Variants in SGSH observed in about 807,000 individuals in gnomAD.
SGSH encodes the protein heparan sulfate sulfatase.
A neutral mutation model predicts 51.0 loss-of-function variants in SGSH; 48 were observed. The ratio of observed to expected loss-of-function variants is 0.94; its 90% CI spans 0.75 to 1.20. The LOEUF is 1.20. Among genes scored for constraint, SGSH ranks in the 50% most tolerant of loss-of-function variants. SGSH has a pLI of 0.00. For synonymous variants in SGSH, 321 were observed against 313.4 expected (o/e 1.02, Z -0.26); for missense variants, 662 against 717.8 (o/e 0.92, Z 0.89).
chr17:80,201,898 C>G (rs753524546), downstream of SGSH: 21 of 1,588,080 alleles, frequency 1.3e-5, no homozygotes, highest in Non-Finnish European at 1.7e-5. The surrounding 1 kb of genome is among the most constrained non-coding windows in gnomAD (Gnocchi z 5.0). Flanking sequence ...CTCGTGTGCA[C>G]AGCTGCCTGG....
rs1394113027 is a variant in SGSH at position 80,210,400 on chromosome 17, T to A, written c.*52A>T. The A allele has an allele frequency of 6.5e-7, 1 of 1,529,054 alleles. No individual in the cohort carries two copies. Among genetic ancestry groups the A allele is most frequent in the Non-Finnish European group, 8.8e-7 (1 of 1,140,920 alleles). 94.7% of individuals were successfully genotyped at this position (1,529,054 alleles called of 1,614,324 possible). ...GGCTGGCCGGCCACACGGACACGTG[T>A]GGGATGTGTCTGGGACATGCCTGGG... On this transcript the variant is annotated 3_prime_UTR_variant, in exon 8 of 8. Coordinates refer to ENST00000326317, the MANE Select transcript of SGSH (RefSeq NM_000199.5).
Position 80,210,157 on chromosome 17 carries a change from C to T in SGSH, c.*295G>A, listed in dbSNP as rs1026535318. On this transcript the variant is annotated 3_prime_UTR_variant, in exon 8 of 8. Coordinates refer to ENST00000326317, the MANE Select transcript of SGSH (RefSeq NM_000199.5). The stretch of plus-strand genomic sequence containing the variant: ...GGGGCGCTGCCCTGTCCGCAGACCA[C>T]GTATGTCTAGAATTCCCGTGCTGGG... 2.2e-6 allele frequency: 3 copies of T among 1,335,926 alleles called. No individual in the cohort carries two copies. The highest frequency in any genetic ancestry group is 1.5e-5 in the African/African-American group (1 of 67,848). The allele number at this position is 1,335,926 out of a possible 1,614,324, so 82.8% of individuals were successfully genotyped here. A position where few individuals can be genotyped will look rare whatever the true frequency, so the allele number is the denominator to read the frequency against.
chr17:80,211,778 G>A, intron 7 of SGSH: 1 of 490,584 alleles, frequency 2.0e-6, no homozygotes, highest in Non-Finnish European at 3.8e-6. Context: ...AGCATCCCAG[G>A]TGATTCTGAA....
At chr17:80,219,479 A>G (rs2042045585) in intron 1 of SGSH, among the ~76,000 whole-genome samples, 1 of 152,246 alleles carries the variant, frequency 6.6e-6, no homozygotes, top group African/African-American at 2.4e-5. Flanking sequence ...GGGTCCATGC[A>G]GATTCTCTGC....
At chr17:80,206,971 A>G, downstream of SGSH, 1 of 1,607,044 alleles carries the variant, frequency 6.2e-7, no homozygotes, top group Non-Finnish European at 8.5e-7. Context: ...CCCACAAAGA[A>G]CACCCATGCC....
chr17:80,201,519 T>A, the SGSH span: 1 of 554,438 alleles, frequency 1.8e-6, no homozygotes, highest in South Asian at 2.1e-5. This position sits in a 1 kb window ranked among gnomAD's most constrained non-coding sequence, Gnocchi z 5.0. Flanking sequence ...GGGGAAGGGT[T>A]GGCAGTTGAC....
downstream of SGSH, chr17:80,205,739 G>A: frequency 7.3e-7 from 1 of 1,370,696 alleles, no homozygotes; most frequent in Non-Finnish European, 9.7e-7. Flanking sequence ...AAGGTACAGG[G>A]ACCGACCTGA....
At chr17:80,217,471 C>G (rs2144786522) in intron 1 of SGSH, among the ~76,000 whole-genome samples, 1 of 150,290 alleles carries the variant, frequency 6.7e-6, no homozygotes, top group East Asian at 2.0e-4. Context: ...AGGCATGTAT[C>G]CAGAAGACCC....
At position 80,212,346 on chromosome 17, in the gene SGSH, C is replaced by T; in HGVS notation, c.746-72G>A. 6 of 1,316,586 alleles carry T rather than the reference C, an allele frequency of 4.6e-6. No homozygotes were observed. The allele number at this position is 1,316,586 out of a possible 1,614,324, so 81.6% of individuals were successfully genotyped here. A position where few individuals can be genotyped will look rare whatever the true frequency, so the allele number is the denominator to read the frequency against. On this transcript the variant is annotated intron_variant, in intron 6 of 7. Transcript: ENST00000326317. This position sits in a 1 kb window ranked among gnomAD's most constrained non-coding sequence, Gnocchi z 5.9. ...GAGGCAGCGGGTGGTGTGTGTAGAC[C>T]CACCTGCTGCTGCATCCGGCCGCTG...
downstream of SGSH, chr17:80,204,958 C>T: frequency 7.7e-7 from 1 of 1,301,684 alleles, no homozygotes; most frequent in Non-Finnish European, 1.0e-6. Context: ...AAAGCAGACC[C>T]AGTCCCTCCC....
downstream of SGSH, chr17:80,203,934 G>A (rs2041130045): frequency 1.4e-6 from 2 of 1,461,756 alleles, no homozygotes; most frequent in Non-Finnish European, 1.9e-6. The surrounding 1 kb of genome is among the most constrained non-coding windows in gnomAD (Gnocchi z 4.6). Flanking sequence ...GGCTGGAAGA[G>A]GGGCTCGGTG....
chr17:80,202,283 G>C, downstream of SGSH: 1 of 1,613,894 alleles, frequency 6.2e-7, no homozygotes, highest in Non-Finnish European at 8.5e-7. Flanking sequence ...CCAAAGGGGA[G>C]CTGCAGGTGC....
rs556030257 is a variant in SGSH at position 80,216,783 on chromosome 17, G to T, written c.249+249C>A. ...TTACACCCACCATCTTACAGATGAG[G>T]AAACTGAGGCACAAGGAGGTAGGTG... On this transcript the variant is annotated intron_variant, in intron 2 of 7. Transcript: ENST00000326317. 7 of 556,974 alleles carry T rather than the reference G, an allele frequency of 1.3e-5. No individual in the cohort carries two copies. The Admixed American group carries it at 1.8e-4, about 15-fold the overall frequency. The allele number at this position is 556,974 out of a possible 1,614,324, so 34.5% of individuals were successfully genotyped here.
chr17:80,206,012 G>A (rs1009088809), downstream of SGSH: 30 of 185,414 alleles, frequency 1.6e-4, no homozygotes, highest in African/African-American at 4.2e-4. Context: ...GCACAGGCAC[G>A]GGAAGCCGAG....
chr17:80,211,086 C>A, intron 7 of SGSH, 75 bp from the exon 8 acceptor site: 2 of 1,575,934 alleles, frequency 1.3e-6, no homozygotes, highest in South Asian at 2.3e-5. Flanking sequence ...GCCGAACCTA[C>A]GCCACTCTGG....
chr17:80,220,136 G>A, intron 1 of SGSH, 90 bp downstream of exon 1: 3 of 914,734 alleles, frequency 3.3e-6, no homozygotes, highest in Non-Finnish European at 4.9e-6. Flanking sequence ...GGCACACTAG[G>A]GTCAGCATTG....
In SGSH at chr17:80,210,307, C is replaced by T. The variant is rs1400131113; in HGVS notation, c.*145G>A. On this transcript the variant is annotated 3_prime_UTR_variant, in exon 8 of 8. Coordinates refer to ENST00000326317, the MANE Select transcript of SGSH (RefSeq NM_000199.5). ...CCCCTCCAGGCAATGGCAAGAGTGA[C>T]CCCACAGGAAGGAAGAACCCTCCTT... is the stretch of plus-strand genomic sequence containing the variant. The T allele has an allele frequency of 2.8e-6, 4 of 1,437,896 alleles. No individual in the cohort carries two copies. In the African/African-American group the frequency reaches 4.3e-5, roughly 15 times the overall value. 89.1% of individuals were successfully genotyped at this position (1,437,896 alleles called of 1,614,324 possible). A position where few individuals can be genotyped will look rare whatever the true frequency, so the allele number is the denominator to read the frequency against.
downstream of SGSH, chr17:80,205,591 G>C: frequency 6.4e-7 from 1 of 1,572,846 alleles, no homozygotes; most frequent in South Asian, 1.2e-5. Context: ...ATCCAGGAGG[G>C]AGAGGTGTCC....
rs1285217523 is a variant in SGSH at position 80,214,709 on chromosome 17, A to G, written c.412T>C (p.Tyr138His). ...PETVYPFDFAYTEENGSVLQV... is the reference protein window; with the variant it reads ...PETVYPFDFAHTEENGSVLQV... ...AGGACGGAGCCATTCTCCTCCGTGT[A>G]CGCAAAGTCAAACGGGTACACGGTC... The change falls in exon 4 of 8, where the codon TAC becomes CAC. Residue 138 changes from tyrosine (Y) to histidine (H), a missense_variant. Physicochemically the swap from Tyr to His is moderately conservative, Grantham distance 83. Transcript: ENST00000326317. The G allele has an allele frequency of 6.2e-7, 1 of 1,613,210 alleles. No homozygotes were observed. The highest frequency in any genetic ancestry group is 8.5e-7 in the Non-Finnish European group (1 of 1,179,966).
Sources: gnomAD v4.1 joint callset for allele counts (sites outside exome capture counted in the v4.1 genomes callset) on GRCh38, gnomAD v4.1.1 for gene constraint, Gnocchi (gnomAD v3.1) non-coding constraint, MANE v1.5 for transcripts, NCBI Gene and HGNC (gene_info 2026-07-23, HGNC 2026-07-21) for gene names.